Variants in TAS2R1 observed in about 807,000 individuals in gnomAD.
TAS2R1 encodes taste 2 receptor member 1, also known as taste receptor type 2 member 1.
For missense variants in TAS2R1, 370 were observed against 353.4 expected, an observed-to-expected ratio of 1.05 and a Z score of -0.38; for synonymous variants, 141 against 134.2, an observed-to-expected ratio of 1.05 and a Z score of -0.35.
At chr5:9,753,396 G>A in the TAS2R1 span, among the ~76,000 whole-genome samples, 1 of 152,088 alleles carries the variant, frequency 6.6e-6, no homozygotes, top group Non-Finnish European at 1.5e-5. Context: ...TGATGGGGTT[G>A]TTTGTTTTTT....
At chr5:9,718,748 G>A in the TAS2R1 span, among the ~76,000 whole-genome samples, 1 of 152,330 alleles carries the variant, frequency 6.6e-6, no homozygotes, top group South Asian at 2.1e-4. Flanking sequence ...CAGAAGGGAT[G>A]ACAGAGGACA....
At chr5:9,878,217 G>C in the TAS2R1 span, among the ~76,000 whole-genome samples, 3 of 152,118 alleles carry the variant, frequency 2.0e-5, no homozygotes, top group Non-Finnish European at 4.4e-5. Flanking sequence ...GGTTCATCTT[G>C]AACACCATCC....
the TAS2R1 span, among the ~76,000 whole-genome samples, chr5:9,770,080 T>C: frequency 0.03 from 4,566 of 152,252 alleles, 71 homozygotes; most frequent in African/African-American, 0.033. Context: ...TCCATTTTAG[T>C]TTGATTTTTT....
the TAS2R1 span, among the ~76,000 whole-genome samples, chr5:9,876,781 C>G: frequency 7.2e-5 from 11 of 152,194 alleles, no homozygotes; most frequent in African/African-American, 2.7e-4. Context: ...GTGACAACAG[C>G]TGCAGAAGAA....
chr5:9,643,806 C>A (rs747882838), intron 2 of TAS2R1, among the ~76,000 whole-genome samples: 2 of 152,082 alleles, frequency 1.3e-5, no homozygotes, highest in Non-Finnish European at 2.9e-5. Context: ...GAGAGTTAAA[C>A]AAGTGAAGAA....
the TAS2R1 span, among the ~76,000 whole-genome samples, chr5:9,864,134 T>C: frequency 6.6e-6 from 1 of 152,224 alleles, no homozygotes; most frequent in East Asian, 1.9e-4. Context: ...CCTGCTCTGC[T>C]TTCCTCAATG....
chr5:9,777,055 G>A, the TAS2R1 span, among the ~76,000 whole-genome samples: 1 of 152,198 alleles, frequency 6.6e-6, no homozygotes, highest in African/African-American at 2.4e-5. Flanking sequence ...TTTTGCTGGT[G>A]AAGGGTCTTG....
the TAS2R1 span, among the ~76,000 whole-genome samples, chr5:9,841,153 T>A: frequency 1.2e-4 from 19 of 152,320 alleles, no homozygotes; most frequent in African/African-American, 3.8e-4. Flanking sequence ...ATGTGTCCTA[T>A]TTTTCTCTCT....
At chr5:9,895,676 G>A in the TAS2R1 span, among the ~76,000 whole-genome samples, 1 of 152,148 alleles carries the variant, frequency 6.6e-6, no homozygotes, top group Non-Finnish European at 1.5e-5. Context: ...CTGCCCTTCT[G>A]GGCACTCTAT....
At chr5:9,650,788 A>C (rs747084546) in intron 2 of TAS2R1, among the ~76,000 whole-genome samples, 4 of 152,170 alleles carry the variant, frequency 2.6e-5, no homozygotes, top group Non-Finnish European at 4.4e-5. Context: ...ACTATCCAAC[A>C]TATTTTCTGT....
the TAS2R1 span, among the ~76,000 whole-genome samples, chr5:9,734,629 T>C: frequency 6.6e-6 from 1 of 152,216 alleles, no homozygotes; most frequent in Non-Finnish European, 1.5e-5. Context: ...ATGTATTTAC[T>C]ATGCTATGCT....
chr5:9,727,799 A>AGG, the TAS2R1 span, among the ~76,000 whole-genome samples: 1 of 152,194 alleles, frequency 6.6e-6, no homozygotes, highest in Non-Finnish European at 1.5e-5. Context: ...TGAGGGCCCA[A>AGG]GGCAGCCTTG....
At chr5:9,863,019 T>C in the TAS2R1 span, 12 of 152,326 alleles carry the variant, frequency 7.9e-5, no homozygotes, top group African/African-American at 2.4e-4. Context: ...CACCTCTAGC[T>C]TGAGAGTCTT....
At chr5:9,844,910 A>G in the TAS2R1 span, among the ~76,000 whole-genome samples, 27 of 152,182 alleles carry the variant, frequency 1.8e-4, no homozygotes, top group Admixed American at 6.5e-4. Context: ...TACATGATCA[A>G]TGTCTTCAAT....
At chr5:9,654,867 T>A (rs1396686796) in intron 2 of TAS2R1, among the ~76,000 whole-genome samples, 1 of 152,232 alleles carries the variant, frequency 6.6e-6, no homozygotes, top group Admixed American at 6.5e-5. Context: ...AAGTTAAACA[T>A]ACATTGTGTC....
the TAS2R1 span, among the ~76,000 whole-genome samples, chr5:9,738,724 A>G: frequency 1.2e-4 from 18 of 152,258 alleles, no homozygotes; most frequent in South Asian, 2.1e-4. Flanking sequence ...TTGACACCCA[A>G]TGTTTAATGT....
At chr5:9,806,162 AT>A in the TAS2R1 span, among the ~76,000 whole-genome samples, 2 of 152,096 alleles carry the variant, frequency 1.3e-5, no homozygotes, top group African/African-American at 2.4e-5. Flanking sequence ...TGCAAAAAAA[AT>A]AAAATAAAAT....
the TAS2R1 span, among the ~76,000 whole-genome samples, chr5:9,725,570 G>C: frequency 2.6e-5 from 4 of 152,196 alleles, no homozygotes; most frequent in Non-Finnish European, 5.9e-5. Context: ...CAGGGCTCGG[G>C]ACCTGCAGCC....
the TAS2R1 span, among the ~76,000 whole-genome samples, chr5:9,874,756 T>C: frequency 4.2e-4 from 64 of 152,318 alleles, 1 homozygote; most frequent in East Asian, 0.011. Context: ...CTCCACTCTG[T>C]CTGAGCAATA....
Sources: allele counts gnomAD v4.1 joint callset (sites outside exome capture counted in the v4.1 genomes callset), GRCh38; gene constraint gnomAD v4.1.1; transcripts MANE v1.5; gene names NCBI Gene and HGNC (gene_info 2026-07-23, HGNC 2026-07-21).